Variants in LHPP observed in about 807,000 individuals in gnomAD.
LHPP encodes hLHPP.
Under a neutral mutation model 30.3 loss-of-function variants are expected in LHPP, and 24 were observed. The observed-to-expected ratio is 0.79, with a 90% CI of 0.57 to 1.11. The LOEUF is 1.11. Among genes scored for constraint, LHPP ranks in the 50% most tolerant of loss-of-function variants. LHPP has a pLI of 0.00. For missense variants in LHPP, 356 were observed against 367.2 expected (o/e 0.97, Z 0.25); for synonymous variants, 150 against 157.1 (o/e 0.95, Z 0.34).
chr10:124,606,506 G>A (rs986580693), intron 6 of LHPP, among the ~76,000 whole-genome samples: 10 of 152,120 alleles, frequency 6.6e-5, no homozygotes, highest in African/African-American at 9.7e-5. Context: ...CAGGGCCAGC[G>A]CCAGGGTGAG....
chr10:124,583,928 T>C (rs931069602), intron 6 of LHPP, among the ~76,000 whole-genome samples: 17 of 152,196 alleles, frequency 1.1e-4, no homozygotes, highest in Non-Finnish European at 1.9e-4. Flanking sequence ...TTGTAGTAAG[T>C]TTTGAAATTA....
At chr10:124,487,036 A>T (rs1463094002) in intron 2 of LHPP, among the ~76,000 whole-genome samples, 1 of 152,328 alleles carries the variant, frequency 6.6e-6, no homozygotes, top group Middle Eastern at 3.4e-3. Flanking sequence ...AATGTTTTTG[A>T]GACTCATCCA....
chr10:124,535,961 C>T (rs763876185), intron 6 of LHPP, among the ~76,000 whole-genome samples: 7 of 152,260 alleles, frequency 4.6e-5, no homozygotes, highest in African/African-American at 7.2e-5. Flanking sequence ...GCCAGAGAAG[C>T]TCTCATCTCT....
At chr10:124,610,383 AGGGTGC>A (rs1949159183) in intron 6 of LHPP, among the ~76,000 whole-genome samples, 20 of 144,376 alleles carry the variant, frequency 1.4e-4, no homozygotes, top group East Asian at 4.1e-4. Flanking sequence ...GGAGCGGGTG[AGGGTGC>A]GGGTGAGGGT....
rs1948896962 is a variant in LHPP at position 124,592,753 on chromosome 10, G to A, written c.717-20511G>A. On this transcript the variant is annotated intron_variant, in intron 6 of 6. Transcript: ENST00000368842. The surrounding 1 kb of genome is among the most constrained non-coding windows in gnomAD (Gnocchi z 6.2). ...GTCTGAGGAAAAGCAAAGCAGTGTTGACAGAGTGTCCTGGAGGGCAGCTTG... is the reference window on the plus strand; with the variant it reads ...GTCTGAGGAAAAGCAAAGCAGTGTTAACAGAGTGTCCTGGAGGGCAGCTTG... Among the ~76,000 whole-genome samples the A allele has an allele frequency of 6.6e-6, 1 of 152,228 alleles. No homozygotes were observed. Among genetic ancestry groups the A allele is most frequent in the South Asian group, 2.1e-4 (1 of 4,828 alleles).
At chr10:124,501,038 G>A (rs1050487641) in intron 5 of LHPP, among the ~76,000 whole-genome samples, 6 of 152,046 alleles carry the variant, frequency 3.9e-5, no homozygotes, top group African/African-American at 7.3e-5. Context: ...ACCAAATGTG[G>A]TATGTCCATA....
rs1486096290 is a variant in LHPP, at chr10:124,484,208, G to A, written c.195G>A (p.Val65=). The change falls in exon 2 of 7, where the codon GTG becomes GTA. Residue 65 remains valine, a synonymous_variant. Coordinates refer to ENST00000368842, the MANE Select transcript of LHPP (RefSeq NM_022126.4). ...NESQKSRAEL[V]GQLQRLGFDI... Reference sequence around the variant, plus strand: ...CGCAGAAGTCCCGGGCAGAGCTGGTGGGGCAGCTTCAGAGGCTGGGATTTG... The same window carrying A: ...CGCAGAAGTCCCGGGCAGAGCTGGTAGGGCAGCTTCAGAGGCTGGGATTTG... 4 of 1,614,024 alleles carry A rather than the reference G, an allele frequency of 2.5e-6. No homozygotes were observed. The highest frequency in any genetic ancestry group is 3.3e-5 in the Admixed American group (2 of 59,996).
chr10:124,540,381 T>C (rs1363203913), intron 6 of LHPP, among the ~76,000 whole-genome samples: 1 of 152,204 alleles, frequency 6.6e-6, no homozygotes, highest in Non-Finnish European at 1.5e-5. Flanking sequence ...CTTTGCTTCG[T>C]GGCCAGGCTA....
intron 6 of LHPP, among the ~76,000 whole-genome samples, chr10:124,552,523 G>A (rs1448881451): frequency 6.6e-6 from 1 of 152,188 alleles, no homozygotes; most frequent in African/African-American, 2.4e-5. Context: ...AGCAGTGAGG[G>A]GCATCATTAA....
At chr10:124,572,396 C>T (rs201095830) in intron 6 of LHPP, among the ~76,000 whole-genome samples, 2 of 151,864 alleles carry the variant, frequency 1.3e-5, no homozygotes, top group Non-Finnish European at 2.9e-5. Flanking sequence ...TTTGGGAGGC[C>T]GAGGTGGGTG....
chr10:124,609,168 C>A (rs980031901), intron 6 of LHPP, among the ~76,000 whole-genome samples: 43 of 152,242 alleles, frequency 2.8e-4, no homozygotes, highest in African/African-American at 9.6e-4. Context: ...TCTTTTTACA[C>A]CCCTTTAAAA....
chr10:124,504,507 G>A lies in LHPP; in HGVS notation c.624+6379G>A, dbSNP rs538586693. ...TCCAGCTACTTGGGGGGCTGAGGTG[G>A]GCAGATTGCTTGGGCCCAGGAGGTT... On this transcript the variant is annotated intron_variant, in intron 5 of 6. Transcript: ENST00000368842. Among the ~76,000 whole-genome samples the A allele has an allele frequency of 2.6e-5, 4 of 151,578 alleles. No individual in the cohort carries two copies. In the South Asian group the frequency reaches 8.3e-4, roughly 32 times the overall value.
chr10:124,475,992 T>A, intron 1 of LHPP, among the ~76,000 whole-genome samples: 1 of 152,184 alleles, frequency 6.6e-6, no homozygotes, highest in East Asian at 1.9e-4. Flanking sequence ...CATCGATGCT[T>A]GTGGGATCAA....
Position 124,510,163 on chromosome 10 carries a change from GCAGGTGGAGTATTTTTATTT to G in LHPP, c.625-7015_625-6996del, listed in dbSNP as rs1470492432. ...TGAAAGGAAGCGAAGCCCAGCCCTGGCAGGTGGAGTATTTTTATTTCCCCTGACAGCGCACCTCCTGACCT... is the reference window on the plus strand; with the variant it reads ...TGAAAGGAAGCGAAGCCCAGCCCTGGCCCCTGACAGCGCACCTCCTGACCT... On this transcript the variant is annotated intron_variant, in intron 5 of 6. Transcript: ENST00000368842. The surrounding 1 kb of genome is among the most constrained non-coding windows in gnomAD (Gnocchi z 4.0). 6.6e-6 allele frequency among the ~76,000 whole-genome samples: 1 copy of G among 152,152 alleles called. No homozygotes were observed. The highest frequency in any genetic ancestry group is 1.5e-5 in the Non-Finnish European group (1 of 68,024).
intron 5 of LHPP, among the ~76,000 whole-genome samples, chr10:124,512,500 C>T (rs371328701): frequency 2.2e-4 from 34 of 151,748 alleles, no homozygotes; most frequent in African/African-American, 7.7e-4. Context: ...GCCTGTAATC[C>T]CAGCTACTCA....
rs982155591 is a variant in LHPP, at chr10:124,541,347, G to A, written c.716+24076G>A. ...TATCGAGGGCTGCTTTGTGGCGGGC[G>A]TTCATTGTGGAAAGAGCCCAGGAAG... On this transcript the variant is annotated intron_variant, in intron 6 of 6. Transcript: ENST00000368842. This position sits in a 1 kb window ranked among gnomAD's most constrained non-coding sequence, Gnocchi z 4.2. Among the ~76,000 whole-genome samples, 8 of 152,196 alleles carry A rather than the reference G, an allele frequency of 5.3e-5. No individual in the cohort carries two copies. The highest frequency in any genetic ancestry group is 1.7e-4 in the African/African-American group (7 of 41,456).
At chr10:124,544,640 T>A (rs2133949391) in intron 6 of LHPP, among the ~76,000 whole-genome samples, 1 of 152,348 alleles carries the variant, frequency 6.6e-6, no homozygotes, top group Non-Finnish European at 1.5e-5. Flanking sequence ...CATGAGGTTG[T>A]GTGGGCTGCT....
chr10:124,487,659 G>T (rs945088333), intron 2 of LHPP, among the ~76,000 whole-genome samples: 1 of 151,970 alleles, frequency 6.6e-6, no homozygotes, highest in African/African-American at 2.4e-5. Context: ...GGCCAGGCTG[G>T]TCTCGAACTC....
At chr10:124,555,396 T>C (rs569770713) in intron 6 of LHPP, among the ~76,000 whole-genome samples, 14 of 152,062 alleles carry the variant, frequency 9.2e-5, no homozygotes, top group Admixed American at 2.0e-4. Context: ...GAAGGGAGGG[T>C]CCCTGCCTTA....
Sources: allele counts gnomAD v4.1 joint callset (sites outside exome capture counted in the v4.1 genomes callset), GRCh38; gene constraint gnomAD v4.1.1; non-coding constraint Gnocchi (gnomAD v3.1); transcripts MANE v1.5; gene names NCBI Gene and HGNC (gene_info 2026-07-23, HGNC 2026-07-21).